ABTB2: variants seen among roughly 807,000 people sequenced by gnomAD.
The protein encoded by ABTB2 is ankyrin repeat and BTB/POZ domain-containing protein 2.
Under a neutral mutation model 104.1 loss-of-function variants are expected in ABTB2, and 56 were observed. The ratio of observed to expected loss-of-function variants is 0.54; its 90% CI spans 0.43 to 0.67. The LOEUF (loss-of-function observed/expected upper bound fraction) is 0.67. ABTB2 is among the 30% of genes least tolerant of loss of function. The pLI is 0.00. For synonymous variants in ABTB2, 606 were observed against 608.2 expected (o/e 1.00, Z 0.05); for missense variants, 1,279 against 1,407.7 (o/e 0.91, Z 1.46).
rs11032596 is a variant in ABTB2 at position 34,282,939 on chromosome 11, C to T, written c.883+73762G>A. Among the ~76,000 whole-genome samples, 128 of 151,310 alleles carry T rather than the reference C, an allele frequency of 8.5e-4. No individual in the cohort carries two copies. The South Asian group carries it at 0.012, about 14-fold the overall frequency. ...TCTTTTTTTTTTTGAGATGGAGTCT[C>T]GCTTTGTCGCCCAGGCTGGAGTGCA... On this transcript the variant is annotated intron_variant, in intron 1 of 16. Transcript: ENST00000435224.
intron 1 of ABTB2, among the ~76,000 whole-genome samples, chr11:34,227,314 T>C (rs1853701459): frequency 6.6e-6 from 1 of 151,672 alleles, no homozygotes; most frequent in Non-Finnish European, 1.5e-5. Context: ...TCTGTACCCA[T>C]TGGAAGTCAT....
chr11:34,345,925 C>T (rs776104406), intron 1 of ABTB2, among the ~76,000 whole-genome samples: 8 of 152,180 alleles, frequency 5.3e-5, no homozygotes, highest in South Asian at 2.1e-4. Context: ...TGGGATTTGA[C>T]GGGTAGATGG....
chr11:34,279,007 A>G (rs896106870), intron 1 of ABTB2, among the ~76,000 whole-genome samples: 3 of 152,340 alleles, frequency 2.0e-5, no homozygotes, highest in South Asian at 2.1e-4. Context: ...CAAAAAGTAC[A>G]TACAGAAATG....
intron 4 of ABTB2, among the ~76,000 whole-genome samples, chr11:34,171,710 A>C (rs1303430251): frequency 6.6e-6 from 1 of 152,150 alleles, no homozygotes; most frequent in Admixed American, 6.5e-5. Context: ...ACCCAGACTC[A>C]TGCCTCAGCA....
In ABTB2 at chr11:34,154,328, G is replaced by C. The variant is rs369095020; in HGVS notation, c.2817C>G (p.Cys939Trp). ...TGAGGGTCTGGGAGCACAGGATCTC[G>C]CAGTGCCTCTGCAGGGCATCCAGCT... ...LFQLDALQRH[C>W]EILCSQTLSM... Residue 939 changes from cysteine to tryptophan, a missense_variant, in exon 16 of 17, where the codon TGC becomes TGG. Cys to Trp is a radical substitution (Grantham distance 215, BLOSUM62 -2). Transcript: ENST00000435224. This position sits in a 1 kb window ranked among gnomAD's most constrained non-coding sequence, Gnocchi z 4.9. The C allele has an allele frequency of 6.2e-7, 1 of 1,613,996 alleles. No homozygotes were observed. The highest frequency in any genetic ancestry group is 1.7e-5 in the Admixed American group (1 of 60,012).
In ABTB2 at chr11:34,252,485, A is replaced by C. The variant is rs191982848; in HGVS notation, c.884-47795T>G. 6.6e-6 allele frequency among the ~76,000 whole-genome samples: 1 copy of C among 152,044 alleles called. No individual in the cohort carries two copies. The highest frequency in any genetic ancestry group is 1.9e-4 in the East Asian group (1 of 5,156). On this transcript the variant is annotated intron_variant, in intron 1 of 16. Coordinates refer to ENST00000435224, the MANE Select transcript of ABTB2 (RefSeq NM_145804.3). The surrounding 1 kb of genome is among the most constrained non-coding windows in gnomAD (Gnocchi z 5.5). ...GACCTCCCCACCACCGCTGGGCATGACCCTAAGAGAAAGACTAGATTCCTA... is the reference window on the plus strand; with the variant it reads ...GACCTCCCCACCACCGCTGGGCATGCCCCTAAGAGAAAGACTAGATTCCTA...
At chr11:34,257,018 G>C (rs1854131654) in intron 1 of ABTB2, among the ~76,000 whole-genome samples, 1 of 152,220 alleles carries the variant, frequency 6.6e-6, no homozygotes, top group Non-Finnish European at 1.5e-5. Context: ...CTTCTGAGCA[G>C]CTTAGCTGGT....
At position 34,321,096 on chromosome 11, in the gene ABTB2, C is replaced by T. The variant is rs188326510; in HGVS notation, c.883+35605G>A. On this transcript the variant is annotated intron_variant, in intron 1 of 16. Coordinates refer to ENST00000435224, the MANE Select transcript of ABTB2 (RefSeq NM_145804.3). ...ACTCGGGAGGCTGAGGTGGGAGAAT[C>T]GCTTGAACCCAGGAGGCGGAGGTTG... 1.8e-3 allele frequency among the ~76,000 whole-genome samples: 267 copies of T among 152,288 alleles called. 3 individuals carry two copies. Among genetic ancestry groups the T allele is most frequent in the African/African-American group, 5.9e-3 (244 of 41,552 alleles).
chr11:34,196,534 A>G (rs1853258646), intron 3 of ABTB2, among the ~76,000 whole-genome samples: 1 of 152,210 alleles, frequency 6.6e-6, no homozygotes, highest in Admixed American at 6.5e-5. Flanking sequence ...AGCCTGGGCA[A>G]TAGAGCAAGA....
At chr11:34,274,560 T>TACACACAC (rs3830969) in intron 1 of ABTB2, among the ~76,000 whole-genome samples, 181 of 146,378 alleles carry the variant, frequency 1.2e-3, no homozygotes, top group Non-Finnish European at 1.5e-3. Context: ...GATTGGAATA[T>TACACACAC]ACACACACAC....
intron 12 of ABTB2, 22 bp from the exon 13 acceptor site, chr11:34,160,030 A>G: frequency 6.3e-7 from 1 of 1,591,842 alleles, no homozygotes; most frequent in Non-Finnish European, 8.6e-7. Flanking sequence ...GGGGAGACAG[A>G]GGGATATGGC....
intron 1 of ABTB2, among the ~76,000 whole-genome samples, chr11:34,233,827 C>A (rs1252512047): frequency 6.6e-6 from 1 of 151,972 alleles, no homozygotes; most frequent in Non-Finnish European, 1.5e-5. Flanking sequence ...CATGTACTAA[C>A]CTATCAATTT....
intron 1 of ABTB2, among the ~76,000 whole-genome samples, chr11:34,251,112 TA>T (rs1854050082): frequency 6.6e-6 from 1 of 152,192 alleles, no homozygotes; most frequent in South Asian, 2.1e-4. Context: ...GGCTTCTTAA[TA>T]GGGGCTGGCC....
intron 4 of ABTB2, among the ~76,000 whole-genome samples, chr11:34,172,389 A>T (rs75063337): frequency 2.2e-4 from 13 of 58,882 alleles, no homozygotes; most frequent in Non-Finnish European, 3.3e-4. Context: ...AAAAAAAAAA[A>T]AAAAAAATAT....
intron 1 of ABTB2, among the ~76,000 whole-genome samples, chr11:34,220,226 T>A (rs537772240): frequency 6.6e-6 from 1 of 152,204 alleles, no homozygotes; most frequent in Non-Finnish European, 1.5e-5. Flanking sequence ...AAACGATCAC[T>A]GGACACTTGA....
At chr11:34,228,653 C>T (rs1419250929) in intron 1 of ABTB2, among the ~76,000 whole-genome samples, 2 of 152,060 alleles carry the variant, frequency 1.3e-5, no homozygotes, top group Non-Finnish European at 2.9e-5. Flanking sequence ...GCTGAGATTA[C>T]AGCATGTGCC....
At chr11:34,219,413 C>T (rs982008761) in intron 1 of ABTB2, among the ~76,000 whole-genome samples, 2 of 152,068 alleles carry the variant, frequency 1.3e-5, no homozygotes, top group African/African-American at 4.8e-5. Context: ...GGCATGGTGG[C>T]ATGCAGCTGT....
At chr11:34,214,579 T>C (rs11032557) in intron 1 of ABTB2, among the ~76,000 whole-genome samples, 21,568 of 144,916 alleles carry the variant, frequency 0.15, 1,723 homozygotes, top group East Asian at 0.27. Flanking sequence ...TTGCTCTGTC[T>C]CTCAGGCTGG....
At position 34,196,044 on chromosome 11, in the gene ABTB2, GC is replaced by G. The variant is rs1239472792; in HGVS notation, c.1244+1280del. 2.0e-5 allele frequency among the ~76,000 whole-genome samples: 3 copies of G among 152,138 alleles called. No homozygotes were observed. The South Asian group carries it at 6.2e-4, about 32-fold the overall frequency. On this transcript the variant is annotated intron_variant, in intron 3 of 16. Coordinates refer to ENST00000435224, the MANE Select transcript of ABTB2 (RefSeq NM_145804.3). The stretch of plus-strand genomic sequence containing the variant: ...GAGTGGTGAAATGTGTGTGGATGGG[GC>G]TTCCTAAACTGAGTGCAAGCCTTTC...
Sources: allele counts gnomAD v4.1 joint callset (sites outside exome capture counted in the v4.1 genomes callset), GRCh38; gene constraint gnomAD v4.1.1; non-coding constraint Gnocchi (gnomAD v3.1); transcripts MANE v1.5; gene names NCBI Gene and HGNC (gene_info 2026-07-23, HGNC 2026-07-21).